Variants in AGO3 observed in about 807,000 individuals in gnomAD.
The protein encoded by AGO3 is argonaute RISC catalytic component 3.
AGO3 carries 16 observed loss-of-function variants against 105.5 expected under a neutral mutation model. The observed-to-expected ratio is 0.15, with a 90% CI of 0.10 to 0.23. The LOEUF is 0.23. AGO3 is among the 10% of genes least tolerant of loss of function. The pLI is 1.00. For missense variants in AGO3, 534 were observed against 1,088.0 expected (o/e 0.49, Z 7.16); for synonymous variants, 340 against 367.3 (o/e 0.93, Z 0.85).
upstream of AGO3, chr1:35,930,966 C>T (rs1646029966): frequency 6.2e-6 from 2 of 322,680 alleles, no homozygotes; most frequent in South Asian, 1.6e-4. Context: ...CTCCCGGACA[C>T]CTCCCCGGCG....
chr1:36,017,079 A>G (rs1444182324), intron 11 of AGO3, among the ~76,000 whole-genome samples: 2 of 152,202 alleles, frequency 1.3e-5, no homozygotes, highest in African/African-American at 4.8e-5. Context: ...GGTGTTCCTC[A>G]TGCTCATACA....
At chr1:36,004,955 TTAATA>T (rs1209502282) in intron 6 of AGO3, among the ~76,000 whole-genome samples, 3 of 152,160 alleles carry the variant, frequency 2.0e-5, no homozygotes, top group African/African-American at 7.2e-5. Flanking sequence ...TTATAGTTAT[TTAATA>T]TAAGTTATAG....
At chr1:36,038,089 A>G (rs1229230081) in intron 14 of AGO3, among the ~76,000 whole-genome samples, 2 of 152,162 alleles carry the variant, frequency 1.3e-5, no homozygotes, top group Non-Finnish European at 2.9e-5. Flanking sequence ...ATAGTATAAT[A>G]GGTGTTATCA....
At chr1:35,994,195 C>T (rs1241502663) in intron 5 of AGO3, among the ~76,000 whole-genome samples, 1 of 150,212 alleles carries the variant, frequency 6.7e-6, no homozygotes, top group Admixed American at 6.7e-5. Flanking sequence ...GCAATTCTCC[C>T]ATCTGGGCCT....
At chr1:35,993,935 A>G (rs1381206769) in intron 5 of AGO3, among the ~76,000 whole-genome samples, 1 of 149,104 alleles carries the variant, frequency 6.7e-6, no homozygotes, top group East Asian at 2.0e-4. Context: ...TAGTAGAGAC[A>G]GGGTTTCACC....
intron 16 of AGO3, among the ~76,000 whole-genome samples, chr1:36,041,709 GGT>G (rs1194370860): frequency 2.0e-5 from 3 of 152,066 alleles, no homozygotes; most frequent in Non-Finnish European, 4.4e-5. Context: ...CTAAGAGAGG[GGT>G]GTTTTTCTTT....
In AGO3 at chr1:36,068,427, G is replaced by A. The variant is rs1223480164; in HGVS notation, c.*12682G>A. ...CACCTGTAGTCCGAACTTCTCAGGA[G>A]GATGAGGCAGGAGGATAGTTGAGCC... On this transcript the variant is annotated 3_prime_UTR_variant, in exon 19 of 19. Coordinates refer to ENST00000373191, the MANE Select transcript of AGO3 (RefSeq NM_024852.4). The A allele has an allele frequency of 6.6e-6, 1 of 152,162 alleles. No individual in the cohort carries two copies. Among genetic ancestry groups the A allele is most frequent in the African/African-American group, 2.4e-5 (1 of 41,442 alleles). 9.4% of individuals were successfully genotyped at this position (152,162 alleles called of 1,614,324 possible).
At chr1:36,028,398 C>A (rs1300115251) in intron 12 of AGO3, among the ~76,000 whole-genome samples, 5 of 108,952 alleles carry the variant, frequency 4.6e-5, no homozygotes, top group Non-Finnish European at 7.3e-5. Context: ...CCCTCCCCCC[C>A]CCCCACCCCA....
At chr1:36,043,049 T>C (rs1273926294) in intron 16 of AGO3, among the ~76,000 whole-genome samples, 1 of 152,218 alleles carries the variant, frequency 6.6e-6, no homozygotes, top group Non-Finnish European at 1.5e-5. Flanking sequence ...GCATTCTCTC[T>C]CTCTAAACAT....
At chr1:35,973,094 G>A (rs1326921291) in intron 4 of AGO3, among the ~76,000 whole-genome samples, 1 of 151,266 alleles carries the variant, frequency 6.6e-6, no homozygotes, top group African/African-American at 2.4e-5. Flanking sequence ...ACATTTTTAA[G>A]GTCGGAACTG....
intron 2 of AGO3, among the ~76,000 whole-genome samples, chr1:35,963,365 A>T (rs1571438634): frequency 6.8e-6 from 1 of 146,092 alleles, no homozygotes; most frequent in East Asian, 3.4e-4. Context: ...AAAATAATAA[A>T]AATAAATATA....
At chr1:35,956,708 ACGTG>A (rs1646573431) in intron 2 of AGO3, among the ~76,000 whole-genome samples, 1 of 149,960 alleles carries the variant, frequency 6.7e-6, no homozygotes, top group South Asian at 2.1e-4. Context: ...TGACATGATC[ACGTG>A]ATCTTGGCTG....
chr1:35,964,221 C>A (rs1299342112), intron 2 of AGO3, among the ~76,000 whole-genome samples: 1 of 151,832 alleles, frequency 6.6e-6, no homozygotes, highest in Non-Finnish European at 1.5e-5. Context: ...TTATTGTCAC[C>A]CAGGTATTAA....
chr1:35,949,733 C>T (rs1273615567), intron 2 of AGO3, among the ~76,000 whole-genome samples: 1 of 152,158 alleles, frequency 6.6e-6, no homozygotes, highest in Non-Finnish European at 1.5e-5. Flanking sequence ...GTGATCCTTC[C>T]ACTTAAGCCT....
At chr1:35,978,837 A>G (rs1325967734) in intron 5 of AGO3, among the ~76,000 whole-genome samples, 1 of 152,054 alleles carries the variant, frequency 6.6e-6, no homozygotes, top group African/African-American at 2.4e-5. Context: ...TAAAACAATT[A>G]TTTTTCTGGT....
At chr1:36,049,189 G>A (rs1424285435) in intron 17 of AGO3, among the ~76,000 whole-genome samples, 1 of 152,098 alleles carries the variant, frequency 6.6e-6, no homozygotes, top group Non-Finnish European at 1.5e-5. Context: ...TAAACACTGT[G>A]GACTACTAGA....
intron 5 of AGO3, among the ~76,000 whole-genome samples, chr1:35,988,273 A>G (rs1647300686): frequency 6.6e-6 from 1 of 152,204 alleles, no homozygotes; most frequent in African/African-American, 2.4e-5. Flanking sequence ...TAATGAATAT[A>G]ACAATCACCT....
intron 11 of AGO3, among the ~76,000 whole-genome samples, chr1:36,014,537 C>T (rs1212662456): frequency 6.6e-6 from 1 of 150,880 alleles, no homozygotes; most frequent in Non-Finnish European, 1.5e-5. Flanking sequence ...TTTGGGAGGC[C>T]AGGGCGGGTG....
At chr1:36,026,011 A>G (rs1641484941) in intron 11 of AGO3, among the ~76,000 whole-genome samples, 2 of 151,934 alleles carry the variant, frequency 1.3e-5, no homozygotes, top group Admixed American at 1.3e-4. Context: ...ACTGCACTCC[A>G]GCCTGGGCAA....
Sources: allele counts gnomAD v4.1 joint callset (sites outside exome capture counted in the v4.1 genomes callset), GRCh38; gene constraint gnomAD v4.1.1; transcripts MANE v1.5; gene names NCBI Gene and HGNC (gene_info 2026-07-23, HGNC 2026-07-21).